MPRIP: variants seen among roughly 807,000 people sequenced by gnomAD.
MPRIP encodes myosin phosphatase Rho-interacting protein.
A neutral mutation model predicts 234.9 loss-of-function variants in MPRIP; 59 were observed. That is an observed-to-expected ratio of 0.25 (90% CI 0.20 to 0.31). MPRIP has a LOEUF of 0.31. MPRIP is among the 10% of genes least tolerant of loss of function. MPRIP has a pLI of 1.00. For missense variants in MPRIP, 2,436 were observed against 3,071.0 expected, an observed-to-expected ratio of 0.79 and a Z score of 4.89; for synonymous variants, 1,144 against 1,263.9, an observed-to-expected ratio of 0.91 and a Z score of 2.01.
chr17:17,052,625 A>C (rs2088575990), intron 1 of MPRIP, among the ~76,000 whole-genome samples: 1 of 152,192 alleles, frequency 6.6e-6, no homozygotes, highest in Admixed American at 6.5e-5. Context: ...CCTTGCCCCA[A>C]CTTGGACTCC....
At chr17:17,043,947 C>T (rs1253874856) in intron 1 of MPRIP, among the ~76,000 whole-genome samples, 1 of 152,186 alleles carries the variant, frequency 6.6e-6, no homozygotes, top group Admixed American at 6.5e-5. Flanking sequence ...CCAGTGTGAC[C>T]TAGTTGTAGC....
chr17:17,133,583 G>A (rs2090638896), intron 5 of MPRIP, among the ~76,000 whole-genome samples: 1 of 152,192 alleles, frequency 6.6e-6, no homozygotes, highest in South Asian at 2.1e-4. Context: ...GCCCGGGAGA[G>A]TTTCAGATTG....
chr17:17,072,401 C>G (rs1394498715), intron 1 of MPRIP, among the ~76,000 whole-genome samples: 1 of 152,192 alleles, frequency 6.6e-6, no homozygotes, highest in Non-Finnish European at 1.5e-5. Context: ...AGGACACAGC[C>G]AGGGCTAGGC....
chr17:17,176,373 C>G, intron 20 of MPRIP, 53 bp from the exon 21 acceptor site: 1 of 1,392,100 alleles, frequency 7.2e-7, no homozygotes, highest in Non-Finnish European at 1.0e-6. Context: ...TGTGGAGACT[C>G]TGGAGGTTTC....
At chr17:17,044,191 C>A (rs2088273091) in intron 1 of MPRIP, among the ~76,000 whole-genome samples, 1 of 152,196 alleles carries the variant, frequency 6.6e-6, no homozygotes, top group South Asian at 2.1e-4. Flanking sequence ...ACACTCAAGG[C>A]TGCAAAGTCA....
At chr17:17,052,335 G>T (rs2088566969) in intron 1 of MPRIP, among the ~76,000 whole-genome samples, 1 of 152,180 alleles carries the variant, frequency 6.6e-6, no homozygotes, top group South Asian at 2.1e-4. Context: ...ATATTGCAGT[G>T]CTGCAGAATA....
chr17:17,082,285 ATTTTTTTTTTT>A (rs71355536), intron 3 of MPRIP, among the ~76,000 whole-genome samples: 4 of 88,704 alleles, frequency 4.5e-5, no homozygotes, highest in African/African-American at 9.2e-5. Context: ...GCTTTTTCCA[ATTTTTTTTTTT>A]TTTTTTTTTT....
rs934275571 is a variant in MPRIP at position 17,185,036 on chromosome 17, G to A, written c.*142G>A. The A allele has an allele frequency of 1.5e-5, 9 of 583,534 alleles. No homozygotes were observed. Among genetic ancestry groups the A allele is most frequent in the South Asian group, 3.7e-5 (2 of 54,310 alleles). The allele number at this position is 583,534 out of a possible 1,614,324, so 36.1% of individuals were successfully genotyped here. ...ATCGTTAACTGTGGGCATGGAATGCGTGAGGCTGGCTTCTGGGTTGTCCAC... is the reference window on the plus strand; with the variant it reads ...ATCGTTAACTGTGGGCATGGAATGCATGAGGCTGGCTTCTGGGTTGTCCAC... On this transcript the variant is annotated 3_prime_UTR_variant, in exon 24 of 24. Transcript: ENST00000651222.
chr17:17,064,201 G>T (rs1365359000), intron 1 of MPRIP, among the ~76,000 whole-genome samples: 47 of 144,184 alleles, frequency 3.3e-4, no homozygotes, highest in African/African-American at 1.0e-3. Flanking sequence ...GGTTTTTTTT[G>T]TTTTGTTTTT....
intron 3 of MPRIP, among the ~76,000 whole-genome samples, chr17:17,114,704 C>T (rs1174944278): frequency 6.8e-5 from 2 of 29,450 alleles, no homozygotes; most frequent in Non-Finnish European, 1.6e-4. Context: ...TTCCCATCTA[C>T]CCCCCGCCCA....
intron 3 of MPRIP, among the ~76,000 whole-genome samples, chr17:17,090,020 T>C (rs2089678579): frequency 1.3e-5 from 2 of 152,208 alleles, no homozygotes; most frequent in Non-Finnish European, 2.9e-5. Flanking sequence ...TCCTGTTCAC[T>C]GATTCAACCC....
At chr17:17,069,483 CT>C (rs200260238) in intron 1 of MPRIP, among the ~76,000 whole-genome samples, 154 of 138,486 alleles carry the variant, frequency 1.1e-3, no homozygotes, top group African/African-American at 1.6e-3. Flanking sequence ...TTTTGTTTTG[CT>C]TTTTTTTTTT....
At chr17:17,156,775 G>A (rs1264130722) in intron 13 of MPRIP, among the ~76,000 whole-genome samples, 1 of 152,196 alleles carries the variant, frequency 6.6e-6, no homozygotes. Context: ...GTTCAGTGAC[G>A]TCACAAGATC....
chr17:17,124,315 T>A (rs2062005640), intron 3 of MPRIP, among the ~76,000 whole-genome samples: 1 of 152,244 alleles, frequency 6.6e-6, no homozygotes, highest in African/African-American at 2.4e-5. Flanking sequence ...AAGTGGGGTC[T>A]GTGCCTCCAG....
chr17:17,127,890 C>T (rs2090523488), intron 4 of MPRIP, among the ~76,000 whole-genome samples: 1 of 152,230 alleles, frequency 6.6e-6, no homozygotes, highest in South Asian at 2.1e-4. Context: ...GGCAAGGCGT[C>T]CAGGAGCCAG....
chr17:17,173,507 G>C (rs1441931636), intron 18 of MPRIP, among the ~76,000 whole-genome samples: 2 of 152,228 alleles, frequency 1.3e-5, no homozygotes, highest in African/African-American at 4.8e-5. Context: ...CTGGATCCAG[G>C]GTGGCAGAAC....
At chr17:17,144,845 A>G (rs2045422363) in intron 9 of MPRIP, among the ~76,000 whole-genome samples, 1 of 152,024 alleles carries the variant, frequency 6.6e-6, no homozygotes. Flanking sequence ...ACAGAGCGAG[A>G]CTCCGTCTCA....
At chr17:17,096,996 G>A (rs1350840175) in intron 3 of MPRIP, 5 of 336,990 alleles carry the variant, frequency 1.5e-5, no homozygotes, top group Middle Eastern at 9.8e-4. Context: ...CCCGGCTATC[G>A]TAGCCAGGCT....
Position 17,165,118 on chromosome 17 carries a change from C to CT in MPRIP, c.3527_3528insT (p.His1177ThrfsTer2). On this transcript the variant is annotated frameshift_variant, in exon 16 of 24. Coordinates refer to ENST00000651222, the MANE Select transcript of MPRIP (RefSeq NM_001364716.4). LOFTEE classifies it high-confidence loss of function. Reference sequence around the variant, plus strand: ...GAAGAGCTGGAGCGCATTAAGGAAGCACATGAGAAGGTTCTGGAGAAGAAG... The same window carrying CT: ...GAAGAGCTGGAGCGCATTAAGGAAGCTACATGAGAAGGTTCTGGAGAAGAAG... 1 of 1,304,206 alleles carries CT rather than the reference C, an allele frequency of 7.7e-7. No homozygotes were observed. The highest frequency in any genetic ancestry group is 1.0e-6 in the Non-Finnish European group (1 of 988,988). 80.8% of individuals were successfully genotyped at this position (1,304,206 alleles called of 1,614,324 possible).
Sources: gnomAD v4.1 joint callset for allele counts (sites outside exome capture counted in the v4.1 genomes callset) on GRCh38, gnomAD v4.1.1 for gene constraint, MANE v1.5 for transcripts, NCBI Gene and HGNC (gene_info 2026-07-23, HGNC 2026-07-21) for gene names.